The following GCNT3 variants were observed in gnomAD, a reference collection of about 807,000 sequenced individuals.
GCNT3 encodes beta-1,3-galactosyl-O-glycosyl-glycoprotein beta-1,6-N-acetylglucosaminyltransferase 3.
For missense variants in GCNT3, 708 were observed against 530.3 expected (o/e 1.34, Z -3.29); for synonymous variants, 269 against 195.2 (o/e 1.38, Z -3.15).
At position 59,620,284 on chromosome 15, in the gene GCNT3, C is replaced by T. The variant is rs1355708308; in HGVS notation, c.*729C>T. 1 of 162,980 alleles carries T rather than the reference C, an allele frequency of 6.1e-6. No homozygotes were observed. The highest frequency in any genetic ancestry group is 1.5e-5 in the Non-Finnish European group (1 of 68,134). 10.1% of individuals were successfully genotyped at this position (162,980 alleles called of 1,614,324 possible). Reference sequence around the variant, plus strand: ...CCAGGTTCAAGCGATACTCCCACCTCAGCCTCCTGAGTAGCTGGGACTACA... The same window carrying T: ...CCAGGTTCAAGCGATACTCCCACCTTAGCCTCCTGAGTAGCTGGGACTACA... On this transcript the variant is annotated 3_prime_UTR_variant, in exon 3 of 3. Coordinates refer to ENST00000396065, the MANE Select transcript of GCNT3 (RefSeq NM_004751.3).
In GCNT3 at chr15:59,619,142, T is replaced by C. The variant is rs1229916069; in HGVS notation, c.904T>C (p.Ser302Pro). The change falls in exon 3 of 3, where the codon TCC becomes CCC. Residue 302 changes from serine (S) to proline (P), a missense_variant. Ser to Pro is a moderately conservative substitution (Grantham distance 74, BLOSUM62 -1). Coordinates refer to ENST00000396065, the MANE Select transcript of GCNT3 (RefSeq NM_004751.3). ...TACAGGGAATGCGTACATTGTGGCTTCCCGAGATTTCGTCCAACATGTTTT... is the reference window on the plus strand; with the variant it reads ...TACAGGGAATGCGTACATTGTGGCTCCCCGAGATTTCGTCCAACATGTTTT... ...MFTGNAYIVA[S>P]RDFVQHVLKN... 1 of 1,614,144 alleles carries C rather than the reference T, an allele frequency of 6.2e-7. No homozygotes were observed. Among genetic ancestry groups the C allele is most frequent in the East Asian group, 2.2e-5 (1 of 44,888 alleles).
chr15:59,615,502 C>T (rs532360820), intron 1 of GCNT3, among the ~76,000 whole-genome samples: 33 of 152,166 alleles, frequency 2.2e-4, no homozygotes, highest in Middle Eastern at 3.4e-3. Context: ...GTAGCTATGT[C>T]CAACAATTGC....
intron 1 of GCNT3, chr15:59,614,991 T>C (rs1280199990): frequency 5.3e-5 from 8 of 152,190 alleles, no homozygotes; most frequent in African/African-American, 1.9e-4. Flanking sequence ...ATGTAAACAA[T>C]TTGTGCACCA....
chr15:59,614,424 G>A (rs937536501), intron 1 of GCNT3, among the ~76,000 whole-genome samples: 1 of 152,094 alleles, frequency 6.6e-6, no homozygotes, highest in Admixed American at 6.5e-5. Context: ...AGAAAGTAAA[G>A]GAATAAGAGA....
rs368222436 is a variant in GCNT3, at chr15:59,618,703, C to T, written c.465C>T (p.Ala155=). 1.5e-5 allele frequency: 24 copies of T among 1,613,828 alleles called. No individual in the cohort carries two copies. Among genetic ancestry groups the T allele is most frequent in the Non-Finnish European group, 6.8e-6 (8 of 1,179,872 alleles). ...NFERLLRAVY[A]PQNIYCVHVD... ...AAAGGCTACTGCGAGCTGTGTATGC[C>T]CCTCAGAACATATACTGTGTCCATG... is the stretch of plus-strand genomic sequence containing the variant. Residue 155 remains alanine (A), a synonymous_variant, in exon 3 of 3, where the codon GCC becomes GCT. Coordinates refer to ENST00000396065, the MANE Select transcript of GCNT3 (RefSeq NM_004751.3).
At chr15:59,614,326 G>T (rs2082710027) in intron 1 of GCNT3, among the ~76,000 whole-genome samples, 2 of 152,156 alleles carry the variant, frequency 1.3e-5, no homozygotes, top group African/African-American at 2.4e-5. Flanking sequence ...CCAGAAAGGG[G>T]TCCCGATCCA....
At position 59,620,826 on chromosome 15, in the gene GCNT3, C is replaced by T. The variant is rs1227842705; in HGVS notation, c.*1271C>T. The T allele has an allele frequency of 6.2e-6, 1 of 161,912 alleles. No homozygotes were observed. The highest frequency in any genetic ancestry group is 1.5e-5 in the Non-Finnish European group (1 of 67,572). 10.0% of individuals were successfully genotyped at this position (161,912 alleles called of 1,614,324 possible). A position where few individuals can be genotyped will look rare whatever the true frequency, so the allele number is the denominator to read the frequency against. On this transcript the variant is annotated 3_prime_UTR_variant, in exon 3 of 3. Transcript: ENST00000396065. ...ATAAACTAGGACTATTCAGTTAAAC[C>T]AGGATGTCTTATTATTCCATGTTTA...
intron 1 of GCNT3, among the ~76,000 whole-genome samples, chr15:59,612,433 G>A (rs1175998018): frequency 6.6e-6 from 1 of 152,162 alleles, no homozygotes; most frequent in African/African-American, 2.4e-5. Flanking sequence ...GGTTACTGAG[G>A]GAGGTGAAGG....
Position 59,618,952 on chromosome 15 carries a change from G to A in GCNT3, c.714G>A (p.Glu238=), listed in dbSNP as rs762904598. The A allele has an allele frequency of 1.4e-5, 22 of 1,614,016 alleles. No individual in the cohort carries two copies. The East Asian group carries it at 2.2e-4, about 16-fold the overall frequency. ...ACTTTCCTATAAAGAGCAATGCAGA[G>A]ATGGTCCAGGCTCTCAAGATGTTGA... is the stretch of plus-strand genomic sequence containing the variant. The part of the protein sequence containing the change: ...GTDFPIKSNA[E]MVQALKMLNG... Residue 238 remains glutamate (E), a synonymous_variant, in exon 3 of 3, where the codon GAG becomes GAA. Coordinates refer to ENST00000396065, the MANE Select transcript of GCNT3 (RefSeq NM_004751.3).
Position 59,618,820 on chromosome 15 carries a change from G to C in GCNT3, c.582G>C (p.Arg194=). The change falls in exon 3 of 3, where the codon CGG becomes CGC. Residue 194 remains arginine (R), a synonymous_variant. Transcript: ENST00000396065. ...PNVFIASKLV[R]VVYASWSRVQ... ...TCTTCATAGCCAGTAAGCTGGTTCG[G>C]GTGGTTTATGCCTCCTGGTCCAGGG... The C allele has an allele frequency of 6.2e-7, 1 of 1,614,168 alleles. No homozygotes were observed. Among genetic ancestry groups the C allele is most frequent in the East Asian group, 2.2e-5 (1 of 44,884 alleles).
rs138620928 is a variant in GCNT3, at chr15:59,618,450, C to T, written c.212C>T (p.Ser71Leu). The T allele has an allele frequency of 7.4e-6, 12 of 1,613,854 alleles. No homozygotes were observed. The East Asian group carries it at 1.8e-4, about 24-fold the overall frequency. Residue 71 changes from serine to leucine, a missense_variant, in exon 3 of 3, where the codon TCA (serine) becomes TTA (leucine). Coordinates refer to ENST00000396065, the MANE Select transcript of GCNT3 (RefSeq NM_004751.3). ...CCAGCAAAGAGGTCTATCAACTGTT[C>T]AGGGGTCACCCGAGGGGACCAAGAG... ...KLPAKRSINC[S>L]GVTRGDQEAV...
chr15:59,613,672 G>A (rs1398522076), intron 1 of GCNT3, among the ~76,000 whole-genome samples: 1 of 152,194 alleles, frequency 6.6e-6, no homozygotes, highest in Non-Finnish European at 1.5e-5. Flanking sequence ...GTTGCAGTGA[G>A]CTGAGATGGC....
rs986549328 is a variant in GCNT3 at position 59,620,816 on chromosome 15, T to G, written c.*1261T>G. The G allele has an allele frequency of 6.1e-6, 1 of 164,832 alleles. No homozygotes were observed. The highest frequency in any genetic ancestry group is 1.5e-5 in the Non-Finnish European group (1 of 67,744). The allele number at this position is 164,832 out of a possible 1,614,324, so 10.2% of individuals were successfully genotyped here. A position where few individuals can be genotyped will look rare whatever the true frequency, so the allele number is the denominator to read the frequency against. ...AGAAATAAAAATAAACTAGGACTAT[T>G]CAGTTAAACCAGGATGTCTTATTAT... On this transcript the variant is annotated 3_prime_UTR_variant, in exon 3 of 3. Coordinates refer to ENST00000396065, the MANE Select transcript of GCNT3 (RefSeq NM_004751.3).
In GCNT3 at chr15:59,617,170, C is replaced by CTTTTTTTTTTTTT. The variant is rs373439386; in HGVS notation, c.-61+292_-61+293insTTTTTTTTTTTTT. Among the ~76,000 whole-genome samples, 9 of 82,386 alleles carry CTTTTTTTTTTTTT rather than the reference C, an allele frequency of 1.1e-4. 1 individual carries two copies. Among genetic ancestry groups the CTTTTTTTTTTTTT allele is most frequent in the African/African-American group, 1.9e-4 (4 of 21,618 alleles). 54.0% of individuals were successfully genotyped at this position (82,386 alleles called of 152,430 possible). On this transcript the variant is annotated intron_variant, in intron 2 of 2. Coordinates refer to ENST00000396065, the MANE Select transcript of GCNT3 (RefSeq NM_004751.3). ...TTTTTCTTTATTTTTCTTTTGTTTT[C>CTTTTTTTTTTTTT]TTTCTTTCTTTTTTTTTTTTTAAAG...
chr15:59,617,039 T>G (rs189466797), intron 2 of GCNT3, among the ~76,000 whole-genome samples, 158 bp downstream of exon 2: 11 of 152,268 alleles, frequency 7.2e-5, no homozygotes, highest in African/African-American at 2.6e-4. Context: ...CTTATAGGGA[T>G]TATTTTCTAT....
In GCNT3 at chr15:59,616,051, C is replaced by G. The variant is rs550741671; in HGVS notation, c.-250-641C>G. 2.0e-5 allele frequency among the ~76,000 whole-genome samples: 3 copies of G among 152,290 alleles called. 1 individual carries two copies. The highest frequency in any genetic ancestry group is 6.5e-5 in the Admixed American group (1 of 15,298). ...CCAAAACCACCCCATGGGGCTCTCACTGAAGTCCAACAGCCCATAGTGTAA... is the reference window on the plus strand; with the variant it reads ...CCAAAACCACCCCATGGGGCTCTCAGTGAAGTCCAACAGCCCATAGTGTAA... On this transcript the variant is annotated intron_variant, in intron 1 of 2. Transcript: ENST00000396065.
rs895577679 is a variant in GCNT3, at chr15:59,621,673, A to T, written c.*2118A>T. 1 of 130,736 alleles carries T rather than the reference A, an allele frequency of 7.6e-6. No individual in the cohort carries two copies. The highest frequency in any genetic ancestry group is 2.5e-4 in the South Asian group (1 of 3,952). 8.1% of individuals were successfully genotyped at this position (130,736 alleles called of 1,614,324 possible). A position where few individuals can be genotyped will look rare whatever the true frequency, so the allele number is the denominator to read the frequency against. On this transcript the variant is annotated 3_prime_UTR_variant, in exon 3 of 3. Transcript: ENST00000396065. ...ACGAATGGCGCAATCTTGGCTCATTACAACCTCCGCCTCCTGGGTCCAAGC... is the reference window on the plus strand; with the variant it reads ...ACGAATGGCGCAATCTTGGCTCATTTCAACCTCCGCCTCCTGGGTCCAAGC...
intron 1 of GCNT3, among the ~76,000 whole-genome samples, chr15:59,614,331 G>A (rs186152178): frequency 5.3e-5 from 8 of 152,208 alleles, no homozygotes; most frequent in Non-Finnish European, 7.4e-5. Context: ...AAGGGGTCCC[G>A]ATCCAGACCC....
At position 59,613,085 on chromosome 15, in the gene GCNT3, A is replaced by C. The variant is rs975589338; in HGVS notation, c.-251+1104A>C. On this transcript the variant is annotated intron_variant, in intron 1 of 2. Transcript: ENST00000396065. ...ACTGAGGGGCTGTAAGTACCAGGCT[A>C]TATTTGCCTGGTCCTTCATATGTAT... Among the ~76,000 whole-genome samples the C allele has an allele frequency of 2.0e-5, 3 of 152,072 alleles. No homozygotes were observed. In the East Asian group the frequency reaches 5.8e-4, roughly 29 times the overall value.
Sources: allele counts gnomAD v4.1 joint callset (sites outside exome capture counted in the v4.1 genomes callset), GRCh38; gene constraint gnomAD v4.1.1; transcripts MANE v1.5; gene names NCBI Gene and HGNC (gene_info 2026-07-23, HGNC 2026-07-21).